Variants in MAP4K3 observed in about 807,000 individuals in gnomAD.
The protein encoded by MAP4K3 is MAPK/ERK kinase kinase kinase 3.
In MAP4K3, 94 loss-of-function variants were observed where a neutral mutation model predicts 143.5. The ratio of observed to expected loss-of-function variants is 0.65; its 90% CI spans 0.55 to 0.78. The LOEUF (loss-of-function observed/expected upper bound fraction) is 0.78. Ranked by LOEUF, MAP4K3 falls within the 30% of genes least tolerant of loss-of-function variation. The pLI is 0.00. For synonymous variants in MAP4K3, 416 were observed against 347.2 expected (o/e 1.20, Z -2.20); for missense variants, 1,077 against 1,068.1 (o/e 1.01, Z -0.12).
intron 1 of MAP4K3, among the ~76,000 whole-genome samples, chr2:39,415,999 AT>A (rs1667366768): frequency 9.3e-6 from 1 of 107,156 alleles, no homozygotes; most frequent in African/African-American, 3.8e-5. Flanking sequence ...ATATATATAT[AT>A]ATATAAAAAT....
At chr2:39,274,986 T>A (rs1340107157) in intron 24 of MAP4K3, among the ~76,000 whole-genome samples, 1 of 152,198 alleles carries the variant, frequency 6.6e-6, no homozygotes, top group African/African-American at 2.4e-5. Context: ...ATCAACCTAA[T>A]CATCAATTTC....
At chr2:39,289,360 C>CT (rs1190216098) in intron 19 of MAP4K3, among the ~76,000 whole-genome samples, 1 of 152,038 alleles carries the variant, frequency 6.6e-6, no homozygotes, top group Non-Finnish European at 1.5e-5. Flanking sequence ...AATGACAAGA[C>CT]TGATAAGACT....
intron 12 of MAP4K3, among the ~76,000 whole-genome samples, chr2:39,320,486 C>G (rs1683264357): frequency 6.6e-6 from 1 of 151,798 alleles, no homozygotes; most frequent in South Asian, 2.1e-4. Context: ...ATTTATGGTA[C>G]TTTTTCTTGG....
chr2:39,425,704 G>A (rs199772270), intron 1 of MAP4K3, among the ~76,000 whole-genome samples: 1 of 140,756 alleles, frequency 7.1e-6, no homozygotes, highest in Non-Finnish European at 1.6e-5. Context: ...TCTGTGGTAT[G>A]TTGTTACGGC....
chr2:39,289,766 T>C (rs775321417), intron 19 of MAP4K3, among the ~76,000 whole-genome samples: 1 of 152,154 alleles, frequency 6.6e-6, no homozygotes, highest in Non-Finnish European at 1.5e-5. Context: ...TCAGTGTAAA[T>C]TCCTAGGACT....
intron 21 of MAP4K3, chr2:39,283,866 G>A (rs770336117): frequency 1.3e-5 from 2 of 152,050 alleles, no homozygotes; most frequent in Non-Finnish European, 2.9e-5. Flanking sequence ...TTTAAGGAAT[G>A]ACATTCTAAT....
chr2:39,335,420 A>G (rs1664913052), intron 6 of MAP4K3, among the ~76,000 whole-genome samples: 1 of 152,188 alleles, frequency 6.6e-6, no homozygotes, highest in Non-Finnish European at 1.5e-5. Context: ...AATCAACCCA[A>G]TTAGGCCCAG....
At chr2:39,397,402 T>G (rs1666838728) in intron 1 of MAP4K3, among the ~76,000 whole-genome samples, 1 of 152,194 alleles carries the variant, frequency 6.6e-6, no homozygotes, top group South Asian at 2.1e-4. Context: ...AACTAAATAT[T>G]TGTATATTTT....
At chr2:39,266,883 A>G (rs1680787761) in intron 27 of MAP4K3, among the ~76,000 whole-genome samples, 2 of 143,866 alleles carry the variant, frequency 1.4e-5, no homozygotes, top group Non-Finnish European at 3.1e-5. Flanking sequence ...GGACCCTTGG[A>G]AAACAGGGTG....
intron 1 of MAP4K3, among the ~76,000 whole-genome samples, chr2:39,402,559 T>G (rs936074710): frequency 1.3e-5 from 2 of 151,890 alleles, no homozygotes; most frequent in African/African-American, 4.8e-5. Context: ...AAACAGGAAA[T>G]CAGTGACTTC....
intron 26 of MAP4K3, 64 bp from the exon 27 acceptor site, chr2:39,267,311 T>G: frequency 2.4e-6 from 3 of 1,247,914 alleles, no homozygotes; most frequent in Non-Finnish European, 2.4e-6. Flanking sequence ...AAAAAGCTAC[T>G]GTTATAGATC....
chr2:39,288,111 C>A lies in MAP4K3; in HGVS notation c.1474+10G>T. The A allele has an allele frequency of 6.2e-7, 1 of 1,613,704 alleles. No homozygotes were observed. Among genetic ancestry groups the A allele is most frequent in the Non-Finnish European group, 8.5e-7 (1 of 1,179,804 alleles). On this transcript the variant is annotated intron_variant, in intron 20 of 33. Coordinates refer to ENST00000263881, the MANE Select transcript of MAP4K3 (RefSeq NM_003618.4). ...CTGGTAACATATTTGCTGTCACCCT[C>A]CACCATTACCTAAGGCAACAGGTTT...
intron 1 of MAP4K3, among the ~76,000 whole-genome samples, chr2:39,432,263 T>C (rs1210368613): frequency 6.6e-6 from 1 of 152,214 alleles, no homozygotes; most frequent in Non-Finnish European, 1.5e-5. Flanking sequence ...AATAAATACA[T>C]ATACAGATCA....
chr2:39,255,729 T>C (rs539746893), intron 31 of MAP4K3, among the ~76,000 whole-genome samples: 64 of 152,372 alleles, frequency 4.2e-4, no homozygotes, highest in African/African-American at 1.4e-3. Context: ...TCTCCCAATG[T>C]TGTCCAGGCT....
At chr2:39,335,818 GAAATTTCTTGGA>G (rs1365794720) in intron 6 of MAP4K3, among the ~76,000 whole-genome samples, 1 of 152,146 alleles carries the variant, frequency 6.6e-6, no homozygotes, top group Admixed American at 6.5e-5. Context: ...CGAGTCCATT[GAAATTTCTTGGA>G]AAATTTGAAG....
intron 6 of MAP4K3, among the ~76,000 whole-genome samples, chr2:39,334,263 G>T (rs1683786515): frequency 6.6e-6 from 1 of 152,078 alleles, no homozygotes. Flanking sequence ...TCTTCAATAA[G>T]CTCAAAGCTT....
intron 3 of MAP4K3, among the ~76,000 whole-genome samples, chr2:39,354,968 G>A (rs1665565577): frequency 6.6e-6 from 1 of 152,032 alleles, no homozygotes; most frequent in East Asian, 1.9e-4. Context: ...GGGAAGGCCA[G>A]GCAGGATGAC....
At chr2:39,360,199 T>C (rs946648677) in intron 2 of MAP4K3, among the ~76,000 whole-genome samples, 3 of 152,226 alleles carry the variant, frequency 2.0e-5, no homozygotes, top group African/African-American at 7.2e-5. Context: ...CATAGATCTC[T>C]AGGGCAGGGG....
At chr2:39,419,372 T>C (rs898519291) in intron 1 of MAP4K3, among the ~76,000 whole-genome samples, 2 of 152,184 alleles carry the variant, frequency 1.3e-5, no homozygotes, top group Admixed American at 6.5e-5. Flanking sequence ...TAAAGCAGTT[T>C]ATTTAAATTT....
Sources: gnomAD v4.1 joint callset for allele counts (sites outside exome capture counted in the v4.1 genomes callset) on GRCh38, gnomAD v4.1.1 for gene constraint, MANE v1.5 for transcripts, NCBI Gene and HGNC (gene_info 2026-07-23, HGNC 2026-07-21) for gene names.